The following IDE variants were observed in gnomAD, a reference collection of about 807,000 sequenced individuals.
The protein encoded by IDE is insulin degrading enzyme, also known as insulin-degrading enzyme.
A neutral mutation model predicts 133.2 loss-of-function variants in IDE; 58 were observed. That is an observed-to-expected ratio of 0.44 (90% CI 0.35 to 0.54). The LOEUF (loss-of-function observed/expected upper bound fraction) is 0.54, where lower values mean the gene tolerates loss of function less well. Among genes scored for constraint, IDE ranks in the 20% least tolerant of loss-of-function variants. IDE has a pLI of 0.00. For synonymous variants in IDE, 396 were observed against 421.3 expected (o/e 0.94, Z 0.73); for missense variants, 981 against 1,234.0 (o/e 0.79, Z 3.07).
At position 92,451,891 on chromosome 10, in the gene IDE, A is replaced by G. The variant is rs1173427424; in HGVS notation, c.*2553T>C. Reference sequence around the variant, plus strand: ...AAGATGTAAGGACTCATTGTAGAGGAGAGAAATATTTTTTCTATCCTTTTT... The same window carrying G: ...AAGATGTAAGGACTCATTGTAGAGGGGAGAAATATTTTTTCTATCCTTTTT... On this transcript the variant is annotated 3_prime_UTR_variant, in exon 25 of 25. Coordinates refer to ENST00000265986, the MANE Select transcript of IDE (RefSeq NM_004969.4). The G allele has an allele frequency of 6.6e-6, 1 of 152,260 alleles. No individual in the cohort carries two copies. Among genetic ancestry groups the G allele is most frequent in the Non-Finnish European group, 1.5e-5 (1 of 68,044 alleles). 9.4% of individuals were successfully genotyped at this position (152,260 alleles called of 1,614,324 possible). A position where few individuals can be genotyped will look rare whatever the true frequency, so the allele number is the denominator to read the frequency against.
At chr10:92,511,105 T>TC (rs1848605268) in intron 5 of IDE, among the ~76,000 whole-genome samples, 1 of 148,158 alleles carries the variant, frequency 6.7e-6, no homozygotes, top group African/African-American at 2.5e-5. Flanking sequence ...AAAAAAACTT[T>TC]TTTTTTTTTT....
chr10:92,538,664 G>A (rs1842141667), intron 1 of IDE, among the ~76,000 whole-genome samples: 2 of 152,166 alleles, frequency 1.3e-5, no homozygotes, highest in South Asian at 2.1e-4. Flanking sequence ...GAATCATGTA[G>A]GGATGTTGGT....
chr10:92,461,139 C>A, intron 22 of IDE, 52 bp downstream of exon 22: 1 of 887,744 alleles, frequency 1.1e-6, no homozygotes, highest in South Asian at 1.4e-5. Context: ...CCATACCCAG[C>A]CCTATAATAC....
chr10:92,470,895 G>A (rs557180163), intron 17 of IDE, among the ~76,000 whole-genome samples: 1 of 152,242 alleles, frequency 6.6e-6, no homozygotes, highest in Non-Finnish European at 1.5e-5. Context: ...TGATCACTTG[G>A]TTAAGGTGGT....
At chr10:92,565,010 C>A (rs1318210842) in intron 1 of IDE, among the ~76,000 whole-genome samples, 1 of 151,966 alleles carries the variant, frequency 6.6e-6, no homozygotes, top group Non-Finnish European at 1.5e-5. Flanking sequence ...CTTTGGGAGG[C>A]TGAGGTGGGT....
chr10:92,484,834 C>T (rs925681412), intron 13 of IDE, among the ~76,000 whole-genome samples: 2 of 151,900 alleles, frequency 1.3e-5, no homozygotes, highest in African/African-American at 4.8e-5. Flanking sequence ...GAGGCAGGAT[C>T]GCTTGAGCCT....
chr10:92,510,088 C>A lies in IDE; in HGVS notation c.859G>T (p.Glu287Ter). Residue 287 changes from glutamate to a stop codon, truncating the protein, a stop_gained, in exon 6 of 25, where the codon GAA becomes TAA. Transcript: ENST00000265986. LOFTEE classifies it high-confidence loss of function. ...EVENKNVPLP[E>*]FPEHPFQEEH... Reference sequence around the variant, plus strand: ...TCTTGGAAAGGGTGTTCAGGAAATTCTGGCAATGGAACATTTTTGTTCTCT... The same window carrying A: ...TCTTGGAAAGGGTGTTCAGGAAATTATGGCAATGGAACATTTTTGTTCTCT... The A allele has an allele frequency of 6.2e-7, 1 of 1,605,184 alleles. No homozygotes were observed. Among genetic ancestry groups the A allele is most frequent in the Non-Finnish European group, 8.5e-7 (1 of 1,173,456 alleles).
chr10:92,491,406 CTA>C (rs1213120040), intron 11 of IDE, among the ~76,000 whole-genome samples: 1 of 152,040 alleles, frequency 6.6e-6, no homozygotes, highest in Non-Finnish European at 1.5e-5. Context: ...CATTTGTGCT[CTA>C]TGTTTTTTTC....
chr10:92,519,559 T>A (rs1849106791), intron 4 of IDE, among the ~76,000 whole-genome samples: 1 of 152,194 alleles, frequency 6.6e-6, no homozygotes, highest in Non-Finnish European at 1.5e-5. Flanking sequence ...GACTCCATCA[T>A]GTGCTAATTA....
intron 1 of IDE, among the ~76,000 whole-genome samples, chr10:92,552,651 G>A (rs569431964): frequency 6.6e-6 from 1 of 151,750 alleles, no homozygotes; most frequent in Non-Finnish European, 1.5e-5. Flanking sequence ...CTCAGGTCAG[G>A]AGTTTGAGAC....
chr10:92,550,921 T>C (rs969433093), intron 1 of IDE, among the ~76,000 whole-genome samples: 7 of 152,056 alleles, frequency 4.6e-5, no homozygotes, highest in Admixed American at 2.0e-4. Context: ...CAGGTGAGGA[T>C]GTAGAAAAAC....
At chr10:92,468,142 G>C (rs148216845) in intron 19 of IDE, among the ~76,000 whole-genome samples, 14 of 152,174 alleles carry the variant, frequency 9.2e-5, no homozygotes, top group African/African-American at 2.9e-4. Context: ...AGGAGAAGTA[G>C]GATGTAGGCA....
In IDE at chr10:92,514,863, A is replaced by G; in HGVS notation, c.784+57T>C. On this transcript the variant is annotated intron_variant, in intron 5 of 24. Transcript: ENST00000265986. ...TATCCATCTTCTAACACTGTGAAAA[A>G]GCCAACATTAAAAACTTATATTATC... The G allele has an allele frequency of 2.1e-6, 3 of 1,456,682 alleles. No individual in the cohort carries two copies. The Admixed American group carries it at 5.7e-5, about 27-fold the overall frequency. 90.2% of individuals were successfully genotyped at this position (1,456,682 alleles called of 1,614,324 possible).
At position 92,531,795 on chromosome 10, in the gene IDE, T is replaced by C; in HGVS notation, c.614A>G (p.Glu205Gly). 3.1e-6 allele frequency: 5 copies of C among 1,605,592 alleles called. No individual in the cohort carries two copies. The highest frequency in any genetic ancestry group is 4.3e-6 in the Non-Finnish European group (5 of 1,174,830). ...MNDAWRLFQL[E>G]KATGNPKHPF... ...GTGTTTAGGATTCCCTGTAGCTTTT[T>C]CCAATTGAAAGAGTCTCCAGGCATC... Residue 205 changes from glutamate to glycine, a missense_variant, in exon 4 of 25, where the codon GAA becomes GGA. This residue lies in a region of IDE where 321 missense variants were observed against 339.3 expected (regional missense o/e 0.95). Coordinates refer to ENST00000265986, the MANE Select transcript of IDE (RefSeq NM_004969.4).
chr10:92,504,752 G>T, intron 11 of IDE, 42 bp downstream of exon 11: 1 of 1,002,864 alleles, frequency 1.0e-6, no homozygotes. Flanking sequence ...AATCATTATT[G>T]AAAATTTAGT....
In IDE at chr10:92,465,694, G is replaced by A. The variant is rs1322031795; in HGVS notation, c.2470C>T (p.Arg824Cys). ...IISEPCFNTL[R>C]TKEQLGYIVF... ...CTCTCACCCAACTGCTCCTTGGTGC[G>A]CAGGGTGTTGAAGCAAGGTTCCGAG... The change falls in exon 20 of 25, where the codon CGC (arginine) becomes TGC (cysteine). Residue 824 changes from arginine to cysteine, a missense_variant. Coordinates refer to ENST00000265986, the MANE Select transcript of IDE (RefSeq NM_004969.4). 4 of 1,613,174 alleles carry A rather than the reference G, an allele frequency of 2.5e-6. No homozygotes were observed. Among genetic ancestry groups the A allele is most frequent in the Non-Finnish European group, 3.4e-6 (4 of 1,179,212 alleles).
chr10:92,510,631 A>G lies in IDE; in HGVS notation c.785-469T>C, dbSNP rs537597084. Among the ~76,000 whole-genome samples, 96 of 151,286 alleles carry G rather than the reference A, an allele frequency of 6.3e-4. 3 individuals are homozygous for G. In the South Asian group the frequency reaches 0.012, roughly 19 times the overall value. On this transcript the variant is annotated intron_variant, in intron 5 of 24. Coordinates refer to ENST00000265986, the MANE Select transcript of IDE (RefSeq NM_004969.4). Reference sequence around the variant, plus strand: ...ATGCACATTTTATATGTGTGTGTGTATATATATATCACATATATGATATAT... The same window carrying G: ...ATGCACATTTTATATGTGTGTGTGTGTATATATATCACATATATGATATAT...
rs759157349 is a variant in IDE at position 92,463,957 on chromosome 10, G to C, written c.2535C>G (p.Gly845=). 1.2e-6 allele frequency: 2 copies of C among 1,614,104 alleles called. No homozygotes were observed. The highest frequency in any genetic ancestry group is 4.5e-5 in the East Asian group (2 of 44,886). ...TTTCTGACTGGATGATGAATCTCAA[G>C]CCCTGTATGCCATTAGCTCGACGTG... ...SGPRRANGIQ[G]LRFIIQSEKP... Residue 845 remains glycine (G), a synonymous_variant, in exon 21 of 25, where the codon GGC becomes GGG. Coordinates refer to ENST00000265986, the MANE Select transcript of IDE (RefSeq NM_004969.4).
At chr10:92,541,264 C>T in intron 1 of IDE, 1 of 466,418 alleles carries the variant, frequency 2.1e-6, no homozygotes, top group South Asian at 1.6e-5. Flanking sequence ...TATAGCATAT[C>T]TATAAACACT....
Sources: allele counts gnomAD v4.1 joint callset (sites outside exome capture counted in the v4.1 genomes callset), GRCh38; gene constraint gnomAD v4.1.1; regional missense constraint gnomAD v4.1.1; transcripts MANE v1.5; gene names NCBI Gene and HGNC (gene_info 2026-07-23, HGNC 2026-07-21).